BCL11B: variants seen among roughly 807,000 people sequenced by gnomAD.
BCL11B encodes B-cell lymphoma/leukemia 11B.
BCL11B carries 8 observed loss-of-function variants against 49.9 expected under a neutral mutation model. That is an observed-to-expected ratio of 0.16 (90% CI 0.09 to 0.29). The LOEUF (loss-of-function observed/expected upper bound fraction) is 0.29, where lower values mean the gene tolerates loss of function less well. BCL11B is among the 10% of genes least tolerant of loss of function. The pLI is 1.00. For missense variants in BCL11B, 1,006 were observed against 1,351.0 expected, an observed-to-expected ratio of 0.74 and a Z score of 4.00; for synonymous variants, 739 against 637.4, an observed-to-expected ratio of 1.16 and a Z score of -2.40.
At chr14:99,187,484 G>A (rs1052094347) in intron 3 of BCL11B, among the ~76,000 whole-genome samples, 6 of 152,224 alleles carry the variant, frequency 3.9e-5, no homozygotes, top group South Asian at 4.2e-4. Context: ...TTGGTGGGCC[G>A]ATAGCTGAGC....
intron 3 of BCL11B, among the ~76,000 whole-genome samples, chr14:99,225,811 C>T (rs980763321): frequency 6.6e-6 from 1 of 152,144 alleles, no homozygotes; most frequent in African/African-American, 2.4e-5. Flanking sequence ...TGGAATCTGG[C>T]GAGGCTGCAG....
At chr14:99,176,239 C>T (rs746971968) in intron 3 of BCL11B, 44 bp from the exon 4 acceptor site, 25 of 1,577,472 alleles carry the variant, frequency 1.6e-5, no homozygotes, top group South Asian at 5.6e-5. Flanking sequence ...GCGTGAGAAG[C>T]GGCAGCGGGG....
In BCL11B at chr14:99,172,367, A is replaced by C; in HGVS notation, c.*1784T>G. On this transcript the variant is annotated 3_prime_UTR_variant, in exon 4 of 4. Transcript: ENST00000357195. ...TTATTTCTTCATTTGATTGGGTCTT[A>C]TGGCATTTCATATCCTCTATCTTCA... The C allele has an allele frequency of 4.5e-6, 1 of 221,176 alleles. No individual in the cohort carries two copies. The highest frequency in any genetic ancestry group is 6.6e-5 in the East Asian group (1 of 15,052). The allele number at this position is 221,176 out of a possible 1,614,324, so 13.7% of individuals were successfully genotyped here. A position where few individuals can be genotyped will look rare whatever the true frequency, so the allele number is the denominator to read the frequency against.
At chr14:99,203,320 CAG>C (rs1332623845) in intron 3 of BCL11B, among the ~76,000 whole-genome samples, 2 of 152,200 alleles carry the variant, frequency 1.3e-5, no homozygotes, top group African/African-American at 4.8e-5. Flanking sequence ...AGCCCCAGGA[CAG>C]AGAGAGACTT....
Position 99,174,830 on chromosome 14 carries a change from A to C in BCL11B, c.2006T>G (p.Phe669Cys). The C allele has an allele frequency of 7.4e-7, 1 of 1,358,266 alleles. No individual in the cohort carries two copies. The highest frequency in any genetic ancestry group is 9.5e-7 in the Non-Finnish European group (1 of 1,055,776). The allele number at this position is 1,358,266 out of a possible 1,614,324, so 84.1% of individuals were successfully genotyped here. The change falls in exon 4 of 4, where the codon TTC becomes TGC. Residue 669 changes from phenylalanine (F) to cysteine (C), a missense_variant. Coordinates refer to ENST00000357195, the MANE Select transcript of BCL11B (RefSeq NM_138576.4). ...APGTEPFPGL[F>C]PRKPAPLPSP... The stretch of plus-strand genomic sequence containing the variant: ...GGGCAGCGGCGCGGGCTTGCGCGGG[A>C]AGAGCCCGGGGAAGGGCTCGGTGCC...
intron 3 of BCL11B, among the ~76,000 whole-genome samples, chr14:99,201,054 C>G (rs545726761): frequency 6.6e-6 from 1 of 152,320 alleles, no homozygotes; most frequent in East Asian, 1.9e-4. Flanking sequence ...ACAGTGGACA[C>G]ACAGCACCCC....
At chr14:99,269,995 G>T (rs1453297454) in intron 1 of BCL11B, among the ~76,000 whole-genome samples, 2 of 151,796 alleles carry the variant, frequency 1.3e-5, no homozygotes, top group African/African-American at 2.4e-5. Flanking sequence ...GGGCTGCGGC[G>T]GGCGGGGAGC....
rs1595230966 is a variant in BCL11B at position 99,191,165 on chromosome 14, C to G, written c.641-14970G>C. On this transcript the variant is annotated intron_variant, in intron 3 of 3. Coordinates refer to ENST00000357195, the MANE Select transcript of BCL11B (RefSeq NM_138576.4). The stretch of plus-strand genomic sequence containing the variant: ...GGGTTGTTTTGCCCCTCCAGGAAAC[C>G]TGCGGCAATATTTGGAGATATTTGT... 5.3e-5 allele frequency among the ~76,000 whole-genome samples: 8 copies of G among 152,066 alleles called. No individual in the cohort carries two copies. The South Asian group carries it at 1.7e-3, about 32-fold the overall frequency.
intron 3 of BCL11B, among the ~76,000 whole-genome samples, chr14:99,211,752 C>T (rs1042374265): frequency 8.5e-5 from 13 of 152,266 alleles, no homozygotes; most frequent in Admixed American, 3.9e-4. Flanking sequence ...GAGGTTCACA[C>T]CAAACTCCGC....
rs555857649 is a variant in BCL11B, at chr14:99,271,072, A to C, written c.58+89T>G. The C allele has an allele frequency of 1.6e-3, 2,157 of 1,363,004 alleles. 23 individuals carry two copies. The East Asian group carries it at 0.037, about 24-fold the overall frequency. 84.4% of individuals were successfully genotyped at this position (1,363,004 alleles called of 1,614,324 possible). ...CAGCGGGCGGCCCCGGCGCCTGGCC[A>C]GGCTCGGCTGTTCCGGGCTCGGTGT... is the stretch of plus-strand genomic sequence containing the variant. On this transcript the variant is annotated intron_variant, in intron 1 of 3. Coordinates refer to ENST00000357195, the MANE Select transcript of BCL11B (RefSeq NM_138576.4).
intron 2 of BCL11B, among the ~76,000 whole-genome samples, chr14:99,233,460 G>A (rs937706244): frequency 2.0e-5 from 3 of 152,196 alleles, no homozygotes; most frequent in Non-Finnish European, 4.4e-5. Context: ...GCGGAAGTCT[G>A]AGATCCCTGG....
At chr14:99,252,069 C>T (rs1889024149) in intron 2 of BCL11B, among the ~76,000 whole-genome samples, 1 of 152,126 alleles carries the variant, frequency 6.6e-6, no homozygotes, top group Non-Finnish European at 1.5e-5. Context: ...CCCTCTTCCC[C>T]ACCACCCACC....
rs1886340470 is a variant in BCL11B at position 99,173,007 on chromosome 14, A to C, written c.*1144T>G. ...AAATGAGAGAACACTAACTTCAATT[A>C]ATTAGGGCATTCGTCTGCTTGGGAA... On this transcript the variant is annotated 3_prime_UTR_variant, in exon 4 of 4. Coordinates refer to ENST00000357195, the MANE Select transcript of BCL11B (RefSeq NM_138576.4). 1 of 217,412 alleles carries C rather than the reference A, an allele frequency of 4.6e-6. No homozygotes were observed. The highest frequency in any genetic ancestry group is 2.3e-5 in the African/African-American group (1 of 44,332). The allele number at this position is 217,412 out of a possible 1,614,324, so 13.5% of individuals were successfully genotyped here.
Position 99,195,782 on chromosome 14 carries a change from C to A in BCL11B, c.641-19587G>T, listed in dbSNP as rs886476189. The stretch of plus-strand genomic sequence containing the variant: ...TCCCAGTCATTCCTGTCACCCTTCA[C>A]CACCCAACACCATCTGACACATAGT... On this transcript the variant is annotated intron_variant, in intron 3 of 3. Coordinates refer to ENST00000357195, the MANE Select transcript of BCL11B (RefSeq NM_138576.4). The surrounding 1 kb of genome is among the most constrained non-coding windows in gnomAD (Gnocchi z 4.7). 6.6e-6 allele frequency among the ~76,000 whole-genome samples: 1 copy of A among 152,166 alleles called. No homozygotes were observed. Among genetic ancestry groups the A allele is most frequent in the Non-Finnish European group, 1.5e-5 (1 of 68,034 alleles).
At position 99,171,720 on chromosome 14, in the gene BCL11B, A is replaced by AT. The variant is rs140221285; in HGVS notation, c.*2430dup. 6.2e-3 allele frequency: 1,302 copies of AT among 209,740 alleles called. 16 individuals are homozygous for AT. The highest frequency in any genetic ancestry group is 0.028 in the African/African-American group (1,221 of 43,950). 13.0% of individuals were successfully genotyped at this position (209,740 alleles called of 1,614,324 possible). ...AATCCCCAAATACAAGTTTCTATAC[A>AT]TTTTTTTTGAAATAAAAATTCAACA... On this transcript the variant is annotated 3_prime_UTR_variant, in exon 4 of 4. Transcript: ENST00000357195.
In BCL11B at chr14:99,171,364, A is replaced by C; in HGVS notation, c.*2787T>G. ...AACATACAAATGTGTTTTTTTTGCA[A>C]TATTTTATCCTGCCAAATTAAAAAA... On this transcript the variant is annotated 3_prime_UTR_variant, in exon 4 of 4. Transcript: ENST00000357195. The C allele has an allele frequency of 4.5e-6, 1 of 221,292 alleles. No homozygotes were observed. 13.7% of individuals were successfully genotyped at this position (221,292 alleles called of 1,614,324 possible). A position where few individuals can be genotyped will look rare whatever the true frequency, so the allele number is the denominator to read the frequency against.
intron 2 of BCL11B, among the ~76,000 whole-genome samples, chr14:99,238,134 C>T (rs1053050868): frequency 6.6e-6 from 1 of 152,090 alleles, no homozygotes. Flanking sequence ...TAGAAGCACA[C>T]CTCAGGGAGC....
chr14:99,197,696 A>G (rs1351280164), intron 3 of BCL11B, among the ~76,000 whole-genome samples: 2 of 152,190 alleles, frequency 1.3e-5, no homozygotes, highest in Non-Finnish European at 1.5e-5. Context: ...GATTATTTCT[A>G]ACGTCTCTAT....
At chr14:99,182,146 C>T (rs1257360451) in intron 3 of BCL11B, among the ~76,000 whole-genome samples, 1 of 152,168 alleles carries the variant, frequency 6.6e-6, no homozygotes, top group Non-Finnish European at 1.5e-5. Flanking sequence ...CTCTCCAAGA[C>T]AAAGGCGGAA....
Sources: gnomAD v4.1 joint callset for allele counts (sites outside exome capture counted in the v4.1 genomes callset) on GRCh38, gnomAD v4.1.1 for gene constraint, Gnocchi (gnomAD v3.1) non-coding constraint, MANE v1.5 for transcripts, NCBI Gene and HGNC (gene_info 2026-07-23, HGNC 2026-07-21) for gene names.